NRXN3: variants seen among roughly 807,000 people sequenced by gnomAD.
The protein encoded by NRXN3 is neurexin 3, also known as neurexin III.
A neutral mutation model predicts 137.6 loss-of-function variants in NRXN3; 32 were observed. The ratio of observed to expected loss-of-function variants is 0.23; its 90% confidence interval spans 0.18 to 0.31. NRXN3 has a LOEUF of 0.31. Ranked by LOEUF, NRXN3 falls within the 10% of genes least tolerant of loss-of-function variation. The pLI is 1.00. For synonymous variants in NRXN3, 798 were observed against 784.5 expected (o/e 1.02, Z -0.29); for missense variants, 1,574 against 2,062.5 (o/e 0.76, Z 4.59).
chr14:79,052,093 A>G (rs766947551), intron 15 of NRXN3, among the ~76,000 whole-genome samples: 1 of 152,182 alleles, frequency 6.6e-6, no homozygotes, highest in Non-Finnish European at 1.5e-5. Context: ...GTTTTTGAGG[A>G]ACATCCATTT....
intron 16 of NRXN3, among the ~76,000 whole-genome samples, chr14:79,502,896 A>G (rs760268327): frequency 4.6e-5 from 7 of 151,944 alleles, no homozygotes; most frequent in Non-Finnish European, 1.0e-4. Context: ...GGCTTATGGC[A>G]TCAAAGAATG....
chr14:78,885,522 T>C (rs983777102), intron 10 of NRXN3, among the ~76,000 whole-genome samples: 1 of 152,158 alleles, frequency 6.6e-6, no homozygotes, highest in African/African-American at 2.4e-5. Flanking sequence ...TTTAAGTGAA[T>C]AACAGCTTCT....
At chr14:79,244,616 A>G (rs766395624) in intron 15 of NRXN3, among the ~76,000 whole-genome samples, 2 of 152,154 alleles carry the variant, frequency 1.3e-5, no homozygotes, top group Non-Finnish European at 2.9e-5. Context: ...ACTAATTCTT[A>G]GTGCTAGATC....
At chr14:79,129,405 A>G (rs1478259718) in intron 15 of NRXN3, among the ~76,000 whole-genome samples, 6 of 150,980 alleles carry the variant, frequency 4.0e-5, no homozygotes, top group Non-Finnish European at 5.9e-5. Flanking sequence ...TTCAAAGAAC[A>G]TGTTTATTTC....
rs538686518 is a variant in NRXN3 at position 78,193,593 on chromosome 14, C to G, written c.-704+22919C>G. Among the ~76,000 whole-genome samples the G allele has an allele frequency of 3.3e-5, 5 of 152,100 alleles. No homozygotes were observed. The South Asian group carries it at 1.0e-3, about 32-fold the overall frequency. On this transcript the variant is annotated intron_variant, in intron 1 of 20. Transcript: ENST00000335750. Reference sequence around the variant, plus strand: ...CCGGGACAACATGGTGAAACCCCATCTCTACTAAAAATACAAAAATTAGCT... The same window carrying G: ...CCGGGACAACATGGTGAAACCCCATGTCTACTAAAAATACAAAAATTAGCT...
chr14:79,603,493 A>C (rs1385058328), intron 16 of NRXN3, among the ~76,000 whole-genome samples: 1 of 152,174 alleles, frequency 6.6e-6, no homozygotes, highest in Non-Finnish European at 1.5e-5. Flanking sequence ...CCTTCTGCAC[A>C]TGTTCTTTAT....
At chr14:79,341,971 G>C (rs1264058971) in intron 15 of NRXN3, among the ~76,000 whole-genome samples, 2 of 152,156 alleles carry the variant, frequency 1.3e-5, no homozygotes, top group Admixed American at 6.5e-5. Flanking sequence ...TAGCATACGA[G>C]GCTCCCCATT....
chr14:78,272,938 G>A (rs993474463), intron 2 of NRXN3, among the ~76,000 whole-genome samples: 28 of 151,642 alleles, frequency 1.8e-4, no homozygotes, highest in African/African-American at 5.8e-4. Flanking sequence ...TCTTTTCTTC[G>A]GCAATTTACC....
chr14:78,246,463 T>C (rs1405475965), intron 2 of NRXN3, among the ~76,000 whole-genome samples: 1 of 152,178 alleles, frequency 6.6e-6, no homozygotes, highest in Non-Finnish European at 1.5e-5. Flanking sequence ...TCCTAACTCA[T>C]TTATTCTCCC....
At chr14:79,025,860 T>C (rs1198084095) in intron 15 of NRXN3, among the ~76,000 whole-genome samples, 2 of 152,114 alleles carry the variant, frequency 1.3e-5, no homozygotes, top group African/African-American at 4.8e-5. Context: ...TGTTTAACGA[T>C]GCCATTTGGG....
intron 15 of NRXN3, among the ~76,000 whole-genome samples, chr14:79,214,928 T>C (rs529947679): frequency 7.6e-4 from 115 of 152,304 alleles, no homozygotes; most frequent in African/African-American, 2.7e-3. Context: ...CTTTTTCCTC[T>C]TCCGTACTTT....
intron 20 of NRXN3, among the ~76,000 whole-genome samples, chr14:79,843,613 C>T (rs1487812582): frequency 1.3e-5 from 2 of 152,164 alleles, no homozygotes; most frequent in African/African-American, 4.8e-5. Context: ...AACTGTGCCT[C>T]TATCAATTAA....
At chr14:78,546,037 AATATCATTGTGT>A (rs1433214077) in intron 4 of NRXN3, among the ~76,000 whole-genome samples, 1 of 152,208 alleles carries the variant, frequency 6.6e-6, no homozygotes, top group African/African-American at 2.4e-5. Context: ...TGTTGCAATA[AATATCATTGTGT>A]ATTTGCACTG....
chr14:79,332,728 T>G (rs369649031), intron 15 of NRXN3, among the ~76,000 whole-genome samples: 3 of 152,156 alleles, frequency 2.0e-5, no homozygotes, highest in South Asian at 4.1e-4. Context: ...CTCAATAGAC[T>G]GTGAGGTCTT....
intron 16 of NRXN3, among the ~76,000 whole-genome samples, chr14:79,663,567 G>A (rs2098544670): frequency 6.6e-6 from 1 of 152,104 alleles, no homozygotes; most frequent in African/African-American, 2.4e-5. Flanking sequence ...GGTGCAGCCT[G>A]TGAGAGCAAT....
intron 8 of NRXN3, among the ~76,000 whole-genome samples, chr14:78,779,845 G>A (rs2098762251): frequency 6.6e-6 from 1 of 152,188 alleles, no homozygotes; most frequent in South Asian, 2.1e-4. Context: ...CCATATTTAT[G>A]TATGGGTAGA....
At chr14:79,335,088 A>G (rs1191525448) in intron 15 of NRXN3, among the ~76,000 whole-genome samples, 2 of 152,166 alleles carry the variant, frequency 1.3e-5, no homozygotes, top group African/African-American at 4.8e-5. Context: ...GGTAGGAGGC[A>G]AAAAGCTCAG....
intron 16 of NRXN3, among the ~76,000 whole-genome samples, chr14:79,479,747 C>T (rs949170404): frequency 4.6e-5 from 7 of 151,982 alleles, no homozygotes; most frequent in Admixed American, 2.0e-4. Context: ...TTCTCAATGA[C>T]GTTAAGGCAC....
intron 20 of NRXN3, among the ~76,000 whole-genome samples, chr14:79,857,382 T>C (rs1236858675): frequency 6.6e-6 from 1 of 152,064 alleles, no homozygotes; most frequent in East Asian, 1.9e-4. Flanking sequence ...CCACTATGCC[T>C]GGCTAATTTT....
Sources: gnomAD v4.1 joint callset for allele counts (sites outside exome capture counted in the v4.1 genomes callset) on GRCh38, gnomAD v4.1.1 for gene constraint, MANE v1.5 for transcripts, NCBI Gene and HGNC (gene_info 2026-07-23, HGNC 2026-07-21) for gene names.